Variants in FRMD4A observed in about 807,000 individuals in gnomAD.
The protein encoded by FRMD4A is FERM domain-containing protein 4A.
FRMD4A carries 29 observed loss-of-function variants against 129.1 expected under a neutral mutation model. That is an observed-to-expected ratio of 0.22 (90% CI 0.17 to 0.31). The LOEUF is 0.31. Among genes scored for constraint, FRMD4A ranks in the 10% least tolerant of loss-of-function variants. FRMD4A has a pLI of 1.00. For missense variants in FRMD4A, 1,272 were observed against 1,375.8 expected (o/e 0.92, Z 1.19); for synonymous variants, 634 against 571.6 (o/e 1.11, Z -1.56).
chr10:13,944,132 C>T (rs1464883267), intron 2 of FRMD4A, among the ~76,000 whole-genome samples: 1 of 152,136 alleles, frequency 6.6e-6, no homozygotes, highest in Non-Finnish European at 1.5e-5. Context: ...AGCAGGGATC[C>T]CCAACCCCTG....
intron 2 of FRMD4A, among the ~76,000 whole-genome samples, chr10:14,156,602 C>T (rs756983004): frequency 2.0e-5 from 3 of 152,144 alleles, no homozygotes; most frequent in Admixed American, 6.5e-5. Context: ...CTCCACTCTA[C>T]TAGTGATGTT....
intron 2 of FRMD4A, among the ~76,000 whole-genome samples, chr10:13,925,062 T>TTAAAA (rs2095115490): frequency 9.7e-6 from 1 of 103,236 alleles, no homozygotes; most frequent in East Asian, 3.1e-4. Context: ...AGACTCCGTG[T>TTAAAA]AAAAAAAAAA....
chr10:13,819,748 T>G lies in FRMD4A; in HGVS notation c.112-8840A>C, dbSNP rs916066143. Among the ~76,000 whole-genome samples the G allele has an allele frequency of 2.8e-5, 4 of 143,080 alleles. No individual in the cohort carries two copies. The South Asian group carries it at 6.6e-4, about 23-fold the overall frequency. The allele number at this position is 143,080 out of a possible 152,430, so 93.9% of individuals were successfully genotyped here. On this transcript the variant is annotated intron_variant, in intron 3 of 24. Transcript: ENST00000357447. ...ATGGGGTCTGGAGTGCGGGCTGGAG[T>G]ACAGTGGCACGATCTCAGGCTGGAG...
intron 2 of FRMD4A, among the ~76,000 whole-genome samples, chr10:13,924,744 G>T (rs747812286): frequency 6.6e-6 from 1 of 152,038 alleles, no homozygotes; most frequent in African/African-American, 2.4e-5. Context: ...TATTCTCGGC[G>T]TTATCCCTGA....
At chr10:14,323,890 A>G (rs1843163207) in intron 2 of FRMD4A, among the ~76,000 whole-genome samples, 1 of 152,222 alleles carries the variant, frequency 6.6e-6, no homozygotes, top group Admixed American at 6.5e-5. Flanking sequence ...CACTAACTCT[A>G]AGAACAAGTA....
rs143539129 is a variant in FRMD4A at position 13,864,689 on chromosome 10, C to T, written c.46-5777G>A. On this transcript the variant is annotated intron_variant, in intron 2 of 24. Transcript: ENST00000357447. Reference sequence around the variant, plus strand: ...CTCCTGAGTTCATGCGATTCTCCTGCCTCAGCCTCCCGAGTAGCTGGGATT... The same window carrying T: ...CTCCTGAGTTCATGCGATTCTCCTGTCTCAGCCTCCCGAGTAGCTGGGATT... 7.4e-4 allele frequency among the ~76,000 whole-genome samples: 112 copies of T among 151,782 alleles called. 1 individual carries two copies. In the East Asian group the frequency reaches 0.019, roughly 26 times the overall value.
chr10:13,829,153 T>C (rs12772400), intron 3 of FRMD4A, among the ~76,000 whole-genome samples: 85,857 of 152,080 alleles, frequency 0.56, 24,461 homozygotes, highest in Middle Eastern at 0.73. Flanking sequence ...CCTGGATGGA[T>C]CAATGAATGA....
intron 2 of FRMD4A, among the ~76,000 whole-genome samples, chr10:14,090,555 C>T (rs1294648392): frequency 2.0e-5 from 3 of 152,196 alleles, no homozygotes; most frequent in Non-Finnish European, 4.4e-5. Context: ...GGGTTAGAGC[C>T]AGGCAGCATC....
At chr10:13,990,097 A>G (rs2095598079) in intron 2 of FRMD4A, among the ~76,000 whole-genome samples, 3 of 152,162 alleles carry the variant, frequency 2.0e-5, no homozygotes, top group Admixed American at 2.0e-4. Context: ...ACCCTGGACA[A>G]ATGACTTAAT....
In FRMD4A at chr10:13,659,433, G is replaced by C. The variant is rs1428611898; in HGVS notation, c.1956C>G (p.Asn652Lys). ...GSCAEAGGGSNSLQNSPIRGL... is the reference protein window; with the variant it reads ...GSCAEAGGGSKSLQNSPIRGL... ...CGCGGATGGGGCTGTTCTGCAAGGA[G>C]TTGCTTCCTCCGCCGGCTTCCGCAC... Residue 652 changes from asparagine to lysine, a missense_variant, in exon 21 of 25, where the codon AAC becomes AAG. Around this residue, in one of 2 missense-constraint regions of FRMD4A, gnomAD observed 972 missense variants for 892.3 expected, o/e 1.09. Coordinates refer to ENST00000357447, the MANE Select transcript of FRMD4A (RefSeq NM_018027.5). The C allele has an allele frequency of 6.2e-7, 1 of 1,613,886 alleles. No homozygotes were observed. The highest frequency in any genetic ancestry group is 8.5e-7 in the Non-Finnish European group (1 of 1,180,010).
chr10:13,793,589 A>G (rs1399133579), intron 5 of FRMD4A, among the ~76,000 whole-genome samples: 1 of 152,176 alleles, frequency 6.6e-6, no homozygotes, highest in Non-Finnish European at 1.5e-5. Context: ...GGAATCTGGG[A>G]GTCAGGCTGC....
Position 13,974,094 on chromosome 10 carries a change from T to G in FRMD4A, c.46-115182A>C, listed in dbSNP as rs960065733. ...CCAGGCTGGAGTGCAGTGGTGCGAT[T>G]TCGGCTCACTGAAAGCTCCACCTCT... is the stretch of plus-strand genomic sequence containing the variant. On this transcript the variant is annotated intron_variant, in intron 2 of 24. Coordinates refer to ENST00000357447, the MANE Select transcript of FRMD4A (RefSeq NM_018027.5). Among the ~76,000 whole-genome samples, 11 of 150,572 alleles carry G rather than the reference T, an allele frequency of 7.3e-5. 1 individual carries two copies. Among genetic ancestry groups the G allele is most frequent in the African/African-American group, 2.4e-4 (10 of 40,838 alleles).
At chr10:14,179,970 G>C (rs567001763) in intron 2 of FRMD4A, among the ~76,000 whole-genome samples, 1 of 152,322 alleles carries the variant, frequency 6.6e-6, no homozygotes, top group African/African-American at 2.4e-5. Context: ...GGAGGCGGAG[G>C]TTGCGGTGAG....
chr10:13,660,083 G>A (rs536135758), intron 20 of FRMD4A, among the ~76,000 whole-genome samples: 1 of 152,300 alleles, frequency 6.6e-6, no homozygotes, highest in South Asian at 2.1e-4. Context: ...CAAACCATCT[G>A]CCATCACGTT....
At chr10:13,864,574 TTTC>T (rs1250075297) in intron 2 of FRMD4A, among the ~76,000 whole-genome samples, 1 of 150,064 alleles carries the variant, frequency 6.7e-6, no homozygotes, top group Non-Finnish European at 1.5e-5. Flanking sequence ...TCCTTCTTTC[TTTC>T]TTTTTTTTTT....
At chr10:14,059,709 C>T (rs145951810) in intron 2 of FRMD4A, among the ~76,000 whole-genome samples, 85 of 152,312 alleles carry the variant, frequency 5.6e-4, no homozygotes, top group African/African-American at 2.0e-3. Flanking sequence ...TCTGCCTGTT[C>T]AGTTGTTTGA....
At chr10:13,792,782 C>T (rs1466790447) in intron 5 of FRMD4A, among the ~76,000 whole-genome samples, 2 of 152,190 alleles carry the variant, frequency 1.3e-5, no homozygotes, top group Admixed American at 6.6e-5. Context: ...GACCAGGCCC[C>T]TCTTAGGCTG....
intron 2 of FRMD4A, among the ~76,000 whole-genome samples, chr10:13,943,128 C>T (rs1041793751): frequency 6.6e-6 from 1 of 152,008 alleles, no homozygotes; most frequent in Admixed American, 6.6e-5. Flanking sequence ...TTGGGAGGAA[C>T]CGTGCTTTCT....
In FRMD4A at chr10:13,657,133, C is replaced by CCGCCCCCCGCGCCCCCCG; in HGVS notation, c.2438_2455dup (p.Ala813_Gly818dup). The stretch of plus-strand genomic sequence containing the variant: ...CTGGCTCTGGCTGTGCAGGTACACA[C>CCGCCCCCCGCGCCCCCCG]CGCCCCCCGCGCCCCCCGCGCCCCC... On this transcript the variant is annotated inframe_insertion, in exon 22 of 25. Transcript: ENST00000357447. The CCGCCCCCCGCGCCCCCCG allele has an allele frequency of 4.0e-6, 6 of 1,504,946 alleles. No individual in the cohort carries two copies. The highest frequency in any genetic ancestry group is 4.4e-6 in the Non-Finnish European group (5 of 1,131,064). 93.2% of individuals were successfully genotyped at this position (1,504,946 alleles called of 1,614,324 possible).
Sources: allele counts gnomAD v4.1 joint callset (sites outside exome capture counted in the v4.1 genomes callset), GRCh38; gene constraint gnomAD v4.1.1; regional missense constraint gnomAD v4.1.1; transcripts MANE v1.5; gene names NCBI Gene and HGNC (gene_info 2026-07-23, HGNC 2026-07-21).